Variants in CAPN9 observed in about 807,000 individuals in gnomAD.
The protein encoded by CAPN9 is calpain 9.
CAPN9 carries 81 observed loss-of-function variants against 92.8 expected under a neutral mutation model. That is an observed-to-expected ratio of 0.87 (90% confidence interval 0.73 to 1.05). The LOEUF (loss-of-function observed/expected upper bound fraction) is 1.05. Ranked by LOEUF, CAPN9 falls within the 50% of genes least tolerant of loss-of-function variation. The pLI is 0.00. For synonymous variants in CAPN9, 304 were observed against 328.0 expected (o/e 0.93, Z 0.79); for missense variants, 848 against 866.2 (o/e 0.98, Z 0.26).
chr1:230,778,829 C>A, intron 8 of CAPN9, 144 bp from the exon 9 acceptor site: 1 of 657,096 alleles, frequency 1.5e-6, no homozygotes, highest in Non-Finnish European at 2.4e-6. Flanking sequence ...AATTTTCCAT[C>A]TCCCCACACT....
chr1:230,771,971 C>T (rs1666410722), intron 6 of CAPN9, 43 bp from the exon 7 acceptor site: 1 of 1,528,234 alleles, frequency 6.5e-7, no homozygotes, highest in African/African-American at 1.4e-5. Flanking sequence ...AAACCTCCAC[C>T]ATATTTATCA....
intron 9 of CAPN9, 97 bp downstream of exon 9, chr1:230,779,230 A>G: frequency 8.6e-7 from 1 of 1,165,292 alleles, no homozygotes; most frequent in East Asian, 2.4e-5. Flanking sequence ...AGAAAGCCTG[A>G]AACATAGTAA....
intron 8 of CAPN9, among the ~76,000 whole-genome samples, chr1:230,775,281 C>T (rs931069837): frequency 1.3e-5 from 2 of 152,140 alleles, no homozygotes; most frequent in South Asian, 2.1e-4. Flanking sequence ...TGAAGACAGG[C>T]AGCCCTACTG....
At chr1:230,774,698 C>A in intron 8 of CAPN9, 67 bp downstream of exon 8, 1 of 984,052 alleles carries the variant, frequency 1.0e-6, no homozygotes, top group Non-Finnish European at 1.6e-6. Context: ...GCGTAAGGAG[C>A]ACTGTGCTTC....
rs886532919 is a variant in CAPN9, at chr1:230,780,067, G to A, written c.1115-112G>A. On this transcript the variant is annotated intron_variant, in intron 9 of 19. Transcript: ENST00000271971. ...TTTGGTAGGACATATAATGAGGGCAGATAGGTGTATGTGCGTGTGTGTGTG... is the reference window on the plus strand; with the variant it reads ...TTTGGTAGGACATATAATGAGGGCAAATAGGTGTATGTGCGTGTGTGTGTG... 9.0e-6 allele frequency: 7 copies of A among 776,750 alleles called. No homozygotes were observed. In the African/African-American group the frequency reaches 1.1e-4, roughly 12 times the overall value. 48.1% of individuals were successfully genotyped at this position (776,750 alleles called of 1,614,324 possible).
In CAPN9 at chr1:230,778,972, G is replaced by A. The variant is rs759137023; in HGVS notation, c.954-1G>A. 1 of 1,613,248 alleles carries A rather than the reference G, an allele frequency of 6.2e-7. No individual in the cohort carries two copies. The highest frequency in any genetic ancestry group is 2.2e-5 in the East Asian group (1 of 44,864). ...CATCGTGTCTCTCCGCTTTGCTGCA[G>A]GATGGCATTTAAGGACTTCAAGGCC... On this transcript the variant is annotated splice_acceptor_variant, in intron 8 of 19. Coordinates refer to ENST00000271971, the MANE Select transcript of CAPN9 (RefSeq NM_006615.3). LOFTEE classifies it high-confidence loss of function.
At chr1:230,749,942 C>A (rs1018106822) in intron 1 of CAPN9, among the ~76,000 whole-genome samples, 1 of 152,152 alleles carries the variant, frequency 6.6e-6, no homozygotes, top group Non-Finnish European at 1.5e-5. Context: ...AACTCACTTA[C>A]TTTTTGTCAA....
intron 17 of CAPN9, among the ~76,000 whole-genome samples, chr1:230,793,928 G>A (rs1668172653): frequency 6.6e-6 from 1 of 152,130 alleles, no homozygotes; most frequent in Non-Finnish European, 1.5e-5. Context: ...ACCCTGACGT[G>A]GTGTGGGGAG....
At chr1:230,753,242 G>A (rs891593701) in intron 1 of CAPN9, among the ~76,000 whole-genome samples, 1 of 152,206 alleles carries the variant, frequency 6.6e-6, no homozygotes, top group Non-Finnish European at 1.5e-5. Context: ...CCTGGCAGAG[G>A]ACAGGCCAGC....
At chr1:230,774,709 T>C (rs1666624258) in intron 8 of CAPN9, 78 bp downstream of exon 8, 1 of 881,752 alleles carries the variant, frequency 1.1e-6, no homozygotes, top group Admixed American at 2.2e-5. Flanking sequence ...ACTGTGCTTC[T>C]CTCTCGCTTT....
intron 4 of CAPN9, 34 bp downstream of exon 4, chr1:230,762,820 C>T: frequency 6.2e-7 from 1 of 1,606,812 alleles, no homozygotes; most frequent in Non-Finnish European, 8.5e-7. Context: ...AGGCAGCCTC[C>T]CGACAGGAGT....
At chr1:230,754,920 C>A (rs1665127044) in intron 1 of CAPN9, among the ~76,000 whole-genome samples, 1 of 152,202 alleles carries the variant, frequency 6.6e-6, no homozygotes, top group Non-Finnish European at 1.5e-5. Context: ...AGGCCCCAGC[C>A]TGTGGTACAT....
At chr1:230,765,676 A>T (rs1266017704) in intron 4 of CAPN9, among the ~76,000 whole-genome samples, 1 of 152,182 alleles carries the variant, frequency 6.6e-6, no homozygotes. Flanking sequence ...AAAACAAAAC[A>T]AAACAAAAAA....
At position 230,789,500 on chromosome 1, in the gene CAPN9, A is replaced by AAAAAAAAG. The variant is rs200162449; in HGVS notation, c.1600-632_1600-631insAAAAAAAG. On this transcript the variant is annotated intron_variant, in intron 13 of 19. Transcript: ENST00000271971. ...AAAAAAAAAAAAAAAAAAAAAAAAA[A>AAAAAAAAG]GCCTGAGTCTCAGGGCAAGGTCTGA... 1.1e-4 allele frequency among the ~76,000 whole-genome samples: 15 copies of AAAAAAAAG among 138,174 alleles called. 1 individual carries two copies. Among genetic ancestry groups the AAAAAAAAG allele is most frequent in the African/African-American group, 3.9e-4 (14 of 36,190 alleles). The allele number at this position is 138,174 out of a possible 152,430, so 90.6% of individuals were successfully genotyped here. A position where few individuals can be genotyped will look rare whatever the true frequency, so the allele number is the denominator to read the frequency against.
chr1:230,787,477 T>C, intron 12 of CAPN9, 45 bp from the exon 13 acceptor site: 1 of 1,551,426 alleles, frequency 6.4e-7, no homozygotes, highest in Non-Finnish European at 8.9e-7. Flanking sequence ...GTCATGTTTC[T>C]TTTTTGTGGA....
Position 230,762,633 on chromosome 1 carries a change from G to T in CAPN9, c.403-20G>T. ...CATGTAGCTGACTCGCATCATTTCT[G>T]TCTTTTTCCTGGGCAACAGTTCTGG... On this transcript the variant is annotated intron_variant, in intron 3 of 19. Coordinates refer to ENST00000271971, the MANE Select transcript of CAPN9 (RefSeq NM_006615.3). The T allele has an allele frequency of 6.2e-7, 1 of 1,612,684 alleles. No individual in the cohort carries two copies. Among genetic ancestry groups the T allele is most frequent in the Non-Finnish European group, 8.5e-7 (1 of 1,179,334 alleles).
chr1:230,794,161 A>C (rs1243013201), intron 17 of CAPN9, among the ~76,000 whole-genome samples: 2 of 152,190 alleles, frequency 1.3e-5, no homozygotes, highest in Non-Finnish European at 2.9e-5. Flanking sequence ...AAAGGGGGAA[A>C]GAAATCACTT....
chr1:230,795,435 C>G (rs35672905), intron 18 of CAPN9, 156 bp downstream of exon 18: 2 of 579,484 alleles, frequency 3.5e-6, no homozygotes, highest in Admixed American at 2.8e-5. Flanking sequence ...GTGCGGTTAG[C>G]TAAGGAGCAG....
intron 11 of CAPN9, 37 bp from the exon 12 acceptor site, chr1:230,785,944 T>A: frequency 6.2e-7 from 1 of 1,606,598 alleles, no homozygotes; most frequent in Non-Finnish European, 8.5e-7. Context: ...GGGAAGTTAA[T>A]CCACAATTGA....
Sources: allele counts gnomAD v4.1 joint callset (sites outside exome capture counted in the v4.1 genomes callset), GRCh38; gene constraint gnomAD v4.1.1; transcripts MANE v1.5; gene names NCBI Gene and HGNC (gene_info 2026-07-23, HGNC 2026-07-21).